Variants in ST8SIA2 observed in about 807,000 individuals in gnomAD.
The protein encoded by ST8SIA2 is alpha-2,8-sialyltransferase 8B.
A neutral mutation model predicts 37.6 loss-of-function variants in ST8SIA2; 22 were observed. The ratio of observed to expected loss-of-function variants is 0.58; its 90% CI spans 0.42 to 0.83. ST8SIA2 has a LOEUF of 0.83. Among genes scored for constraint, ST8SIA2 ranks in the 40% least tolerant of loss-of-function variants. The pLI, the probability that ST8SIA2 is intolerant of heterozygous loss-of-function variation, is 0.00. For missense variants in ST8SIA2, 382 were observed against 484.7 expected (o/e 0.79, Z 1.99); for synonymous variants, 205 against 201.2 (o/e 1.02, Z -0.16).
At chr15:92,452,302 A>G (rs1206082131) in intron 5 of ST8SIA2, among the ~76,000 whole-genome samples, 2 of 152,112 alleles carry the variant, frequency 1.3e-5, no homozygotes, top group African/African-American at 4.8e-5. Flanking sequence ...GGGGCCCACC[A>G]ATCTGTGTCT....
chr15:92,454,067 A>G (rs1473016717), intron 5 of ST8SIA2, among the ~76,000 whole-genome samples: 1 of 152,230 alleles, frequency 6.6e-6, no homozygotes, highest in Admixed American at 6.5e-5. Context: ...AATCCCTGTC[A>G]TACAGAGTTG....
At chr15:92,461,113 A>G (rs1335418129) in intron 5 of ST8SIA2, among the ~76,000 whole-genome samples, 1 of 152,138 alleles carries the variant, frequency 6.6e-6, no homozygotes, top group Non-Finnish European at 1.5e-5. Flanking sequence ...GACATGGGCC[A>G]GTTATCTAAT....
intron 1 of ST8SIA2, among the ~76,000 whole-genome samples, chr15:92,394,630 G>A (rs1000088585): frequency 2.8e-4 from 42 of 152,138 alleles, no homozygotes; most frequent in African/African-American, 9.7e-4. Flanking sequence ...GGGTTCCTGG[G>A]GCCGGAGCGG....
intron 3 of ST8SIA2, among the ~76,000 whole-genome samples, chr15:92,436,278 G>C (rs140508421): frequency 6.6e-6 from 1 of 151,932 alleles, no homozygotes; most frequent in Non-Finnish European, 1.5e-5. Flanking sequence ...AAATCCTCCT[G>C]CCAGTATGAG....
chr15:92,452,872 A>G (rs572818159), intron 5 of ST8SIA2, among the ~76,000 whole-genome samples: 5 of 152,320 alleles, frequency 3.3e-5, no homozygotes, highest in South Asian at 2.1e-4. Flanking sequence ...AAATTGCCCA[A>G]TTGGAATTTA....
At chr15:92,407,683 T>C (rs1411812036) in intron 1 of ST8SIA2, among the ~76,000 whole-genome samples, 2 of 152,190 alleles carry the variant, frequency 1.3e-5, no homozygotes, top group Non-Finnish European at 2.9e-5. Context: ...CTAGGGGTGA[T>C]GGAAGGCAAG....
chr15:92,416,778 C>A (rs2049590360), intron 1 of ST8SIA2, among the ~76,000 whole-genome samples: 1 of 152,108 alleles, frequency 6.6e-6, no homozygotes, highest in Admixed American at 6.5e-5. Context: ...TTCGGATGTG[C>A]CTCTTGTGCT....
intron 2 of ST8SIA2, among the ~76,000 whole-genome samples, chr15:92,431,749 C>T (rs747263238): frequency 3.9e-4 from 60 of 152,140 alleles, no homozygotes; most frequent in Non-Finnish European, 7.2e-4. Context: ...TTTTCTAATC[C>T]ATCCCCTTTA....
intron 5 of ST8SIA2, among the ~76,000 whole-genome samples, chr15:92,463,178 G>A (rs2049968796): frequency 6.6e-6 from 1 of 152,224 alleles, no homozygotes. Context: ...AATGCACATA[G>A]TCTCTTCCTC....
chr15:92,450,137 T>A (rs2049871636), intron 5 of ST8SIA2, among the ~76,000 whole-genome samples: 1 of 152,154 alleles, frequency 6.6e-6, no homozygotes, highest in Non-Finnish European at 1.5e-5. Context: ...CATTTGTGCA[T>A]CAAAGGACAA....
intron 4 of ST8SIA2, among the ~76,000 whole-genome samples, chr15:92,443,443 G>A (rs2049817653): frequency 1.3e-5 from 2 of 152,318 alleles, no homozygotes; most frequent in South Asian, 4.1e-4. Flanking sequence ...GTCAGCATGA[G>A]TTTGCAGTGG....
chr15:92,425,485 C>G (rs761153535), intron 1 of ST8SIA2, among the ~76,000 whole-genome samples: 10 of 152,234 alleles, frequency 6.6e-5, no homozygotes, highest in Non-Finnish European at 1.3e-4. Context: ...GTGAACAAGA[C>G]AGGCTTCTAT....
chr15:92,452,766 G>T (rs1394915799), intron 5 of ST8SIA2, among the ~76,000 whole-genome samples: 2 of 152,058 alleles, frequency 1.3e-5, no homozygotes, highest in Non-Finnish European at 2.9e-5. Flanking sequence ...GAATCGAAGG[G>T]GACAAATGTT....
At chr15:92,427,890 C>T (rs988436727) in intron 1 of ST8SIA2, among the ~76,000 whole-genome samples, 3 of 152,128 alleles carry the variant, frequency 2.0e-5, no homozygotes, top group Non-Finnish European at 4.4e-5. Flanking sequence ...GGCTGAGGCA[C>T]GAGAATCACT....
chr15:92,399,903 C>G (rs1422182236), intron 1 of ST8SIA2, among the ~76,000 whole-genome samples: 3 of 152,190 alleles, frequency 2.0e-5, no homozygotes, highest in African/African-American at 7.2e-5. Flanking sequence ...AGAGGGGATT[C>G]TAGAAAGGCT....
chr15:92,423,155 T>G (rs967259795), intron 1 of ST8SIA2, among the ~76,000 whole-genome samples: 1 of 151,894 alleles, frequency 6.6e-6, no homozygotes, highest in African/African-American at 2.4e-5. Flanking sequence ...AGAGGGAGAG[T>G]TTTTGCCCAA....
chr15:92,467,008 G>A lies in ST8SIA2; in HGVS notation c.*2623G>A, dbSNP rs1489149975. On this transcript the variant is annotated 3_prime_UTR_variant, in exon 6 of 6. Coordinates refer to ENST00000268164, the MANE Select transcript of ST8SIA2 (RefSeq NM_006011.4). ...AGGGTCACAGGCATCCCGGGAGAAT[G>A]GGCCTCCACCCTCAGCCAGCCCTCA... 6.6e-6 allele frequency: 1 copy of A among 151,582 alleles called. No individual in the cohort carries two copies. The highest frequency in any genetic ancestry group is 2.4e-5 in the African/African-American group (1 of 41,164). 9.4% of individuals were successfully genotyped at this position (151,582 alleles called of 1,614,324 possible). A position where few individuals can be genotyped will look rare whatever the true frequency, so the allele number is the denominator to read the frequency against.
chr15:92,432,249 A>G (rs934835284), intron 2 of ST8SIA2, among the ~76,000 whole-genome samples: 5 of 152,170 alleles, frequency 3.3e-5, no homozygotes, highest in South Asian at 2.1e-4. Flanking sequence ...GTGCGTGCCT[A>G]CTGAGGTAGG....
chr15:92,434,321 T>G lies in ST8SIA2; in HGVS notation c.236T>G (p.Ile79Ser). 1 of 1,614,006 alleles carries G rather than the reference T, an allele frequency of 6.2e-7. No individual in the cohort carries two copies. Among genetic ancestry groups the G allele is most frequent in the Non-Finnish European group, 8.5e-7 (1 of 1,180,004 alleles). ...AGTAATGAAAGCATCAAGCACAACA[T>G]CCAGCCAGCCTCGTCCAAATGGAGA... The part of the protein sequence containing the change: ...DRSNESIKHN[I>S]QPASSKWRHN... Residue 79 changes from isoleucine (I) to serine (S), a missense_variant, in exon 3 of 6, where the codon ATC (isoleucine) becomes AGC (serine). By Grantham distance (142) the Ile-to-Ser change is moderately radical. Transcript: ENST00000268164.
Sources: allele counts gnomAD v4.1 joint callset (sites outside exome capture counted in the v4.1 genomes callset), GRCh38; gene constraint gnomAD v4.1.1; transcripts MANE v1.5; gene names NCBI Gene and HGNC (gene_info 2026-07-23, HGNC 2026-07-21).